The following NOL4L variants were observed in gnomAD, a reference collection of about 807,000 sequenced individuals.
The protein encoded by NOL4L is nucleolar protein 4-like.
A neutral mutation model predicts 64.5 loss-of-function variants in NOL4L; 7 were observed. That is an observed-to-expected ratio of 0.11 (90% CI 0.06 to 0.20). The LOEUF is 0.20. Ranked by LOEUF, NOL4L falls within the 10% of genes least tolerant of loss-of-function variation. NOL4L has a pLI of 1.00. For missense variants in NOL4L, 680 were observed against 967.1 expected, an observed-to-expected ratio of 0.70 and a Z score of 3.94; for synonymous variants, 413 against 401.0, an observed-to-expected ratio of 1.03 and a Z score of -0.36.
intron 2 of NOL4L, among the ~76,000 whole-genome samples, chr20:32,522,519 G>A (rs1403980526): frequency 6.6e-6 from 1 of 152,206 alleles, no homozygotes; most frequent in Non-Finnish European, 1.5e-5. Context: ...GATAAATGTG[G>A]CCACCACTCT....
At position 32,443,768 on chromosome 20, in the gene NOL4L, A is replaced by T. The variant is rs2012222901; in HGVS notation, c.*3828T>A. 6.9e-6 allele frequency: 1 copy of T among 145,824 alleles called. No homozygotes were observed. 9.0% of individuals were successfully genotyped at this position (145,824 alleles called of 1,614,324 possible). ...GAGTCATTCTGACCTTCCCACTCCCAGGCTGCCCAGGGAAGAACTACATTC... is the reference window on the plus strand; with the variant it reads ...GAGTCATTCTGACCTTCCCACTCCCTGGCTGCCCAGGGAAGAACTACATTC... On this transcript the variant is annotated 3_prime_UTR_variant, in exon 11 of 11. Transcript: ENST00000621426.
rs1283074474 is a variant in NOL4L, at chr20:32,494,269, A to C, written c.699+17078T>G. 8.7e-4 allele frequency among the ~76,000 whole-genome samples: 124 copies of C among 141,908 alleles called. 1 individual carries two copies. The highest frequency in any genetic ancestry group is 3.2e-3 in the African/African-American group (113 of 35,084). 93.1% of individuals were successfully genotyped at this position (141,908 alleles called of 152,430 possible). A position where few individuals can be genotyped will look rare whatever the true frequency, so the allele number is the denominator to read the frequency against. On this transcript the variant is annotated intron_variant, in intron 4 of 10. Transcript: ENST00000621426. The stretch of plus-strand genomic sequence containing the variant: ...TAATCTCGGGAAAAAAAAAAAAAAA[A>C]AAAAAAAAAAAAACACACAACACAC...
At chr20:32,579,512 C>T (rs995757100) in intron 1 of NOL4L, among the ~76,000 whole-genome samples, 2 of 151,904 alleles carry the variant, frequency 1.3e-5, no homozygotes, top group Non-Finnish European at 2.9e-5. Flanking sequence ...CTCCCAGCAG[C>T]ATTTCTGAGG....
chr20:32,477,019 G>C (rs951006001), intron 4 of NOL4L, among the ~76,000 whole-genome samples: 1 of 152,184 alleles, frequency 6.6e-6, no homozygotes, highest in Admixed American at 6.5e-5. Flanking sequence ...GGGCACACGG[G>C]GACAGAGGAG....
intron 3 of NOL4L, among the ~76,000 whole-genome samples, chr20:32,516,377 G>A (rs1006628490): frequency 3.9e-5 from 6 of 152,154 alleles, no homozygotes; most frequent in Non-Finnish European, 8.8e-5. Flanking sequence ...GGTGGGGAAC[G>A]TGAGGAAACT....
chr20:32,456,151 G>A lies in NOL4L; in HGVS notation c.1086C>T (p.Ser362=), dbSNP rs2013484553. Residue 362 remains serine, a synonymous_variant, in exon 6 of 11, where the codon AGC becomes AGT. Coordinates refer to ENST00000621426, the MANE Select transcript of NOL4L (RefSeq NM_001256798.2). ...TGGTCTTCACCCCGTATTTGACGCG[G>A]CTCCGCAGCCCGTCGGCACCGCAGC... ...SDGCGADGLR[S]RVKYGVKTTP... 1.3e-6 allele frequency: 2 copies of A among 1,563,926 alleles called. No individual in the cohort carries two copies. The highest frequency in any genetic ancestry group is 8.7e-7 in the Non-Finnish European group (1 of 1,153,260).
chr20:32,453,852 G>T lies in NOL4L; in HGVS notation c.1120-91C>A. 1.6e-6 allele frequency: 2 copies of T among 1,265,308 alleles called. No individual in the cohort carries two copies. The highest frequency in any genetic ancestry group is 1.5e-5 in the African/African-American group (1 of 67,242). The allele number at this position is 1,265,308 out of a possible 1,614,324, so 78.4% of individuals were successfully genotyped here. On this transcript the variant is annotated intron_variant, in intron 6 of 10. Coordinates refer to ENST00000621426, the MANE Select transcript of NOL4L (RefSeq NM_001256798.2). This position sits in a 1 kb window ranked among gnomAD's most constrained non-coding sequence, Gnocchi z 5.6. Reference sequence around the variant, plus strand: ...ACAGGCGGTGAGCTTGGGGACCAGGGTGGCACGCATGCCCTGCTGCCACGA... The same window carrying T: ...ACAGGCGGTGAGCTTGGGGACCAGGTTGGCACGCATGCCCTGCTGCCACGA...
At chr20:32,507,184 CA>C (rs1283629770) in intron 4 of NOL4L, among the ~76,000 whole-genome samples, 1 of 152,186 alleles carries the variant, frequency 6.6e-6, no homozygotes, top group African/African-American at 2.4e-5. Flanking sequence ...GTCCTCTGTG[CA>C]ACTAAATACA....
chr20:32,503,853 G>T lies in NOL4L; in HGVS notation c.699+7494C>A, dbSNP rs556224606. ...TTGCCCTACTTAATGCTTTTTTTTTGCCTTGAACATTTATTTAACATTAAT... is the reference window on the plus strand; with the variant it reads ...TTGCCCTACTTAATGCTTTTTTTTTTCCTTGAACATTTATTTAACATTAAT... On this transcript the variant is annotated intron_variant, in intron 4 of 10. Transcript: ENST00000621426. Among the ~76,000 whole-genome samples the T allele has an allele frequency of 2.3e-4, 34 of 150,604 alleles. No individual in the cohort carries two copies. In the South Asian group the frequency reaches 6.7e-3, roughly 30 times the overall value.
At chr20:32,509,812 G>A (rs1327112157) in intron 4 of NOL4L, 1 of 1,303,948 alleles carries the variant, frequency 7.7e-7, no homozygotes, top group Non-Finnish European at 1.0e-6. Context: ...GTGCCATTCT[G>A]TATGAAACAA....
intron 1 of NOL4L, among the ~76,000 whole-genome samples, chr20:32,552,771 G>A (rs1201918874): frequency 6.6e-6 from 1 of 152,212 alleles, no homozygotes; most frequent in African/African-American, 2.4e-5. Flanking sequence ...GGGAGGCCAA[G>A]ACGGGCAGAT....
chr20:32,579,871 C>T (rs1429572746), intron 1 of NOL4L, among the ~76,000 whole-genome samples: 3 of 152,076 alleles, frequency 2.0e-5, no homozygotes, highest in Non-Finnish European at 2.9e-5. Context: ...AAAAGCCCCC[C>T]CAGGACCCAG....
intron 1 of NOL4L, chr20:32,535,633 G>A (rs2018496034): frequency 2.0e-6 from 2 of 985,236 alleles, no homozygotes; most frequent in South Asian, 9.4e-5. Context: ...ACAGAGAAAG[G>A]TGCCTGGGAC....
intron 4 of NOL4L, among the ~76,000 whole-genome samples, chr20:32,479,929 A>G (rs2015616792): frequency 2.0e-5 from 3 of 152,096 alleles, no homozygotes; most frequent in Admixed American, 6.5e-5. Flanking sequence ...AAATTCATGG[A>G]CAGGTTCAGT....
At position 32,460,848 on chromosome 20, in the gene NOL4L, G is replaced by GA. The variant is rs1394089642; in HGVS notation, c.842-4454dup. Among the ~76,000 whole-genome samples, 1 of 152,192 alleles carries GA rather than the reference G, an allele frequency of 6.6e-6. No individual in the cohort carries two copies. The highest frequency in any genetic ancestry group is 1.5e-5 in the Non-Finnish European group (1 of 68,036). On this transcript the variant is annotated intron_variant, in intron 5 of 10. Coordinates refer to ENST00000621426, the MANE Select transcript of NOL4L (RefSeq NM_001256798.2). This position sits in a 1 kb window ranked among gnomAD's most constrained non-coding sequence, Gnocchi z 5.7. ...CAAATCAAACCTGAGGGCTCCAGAG[G>GA]AGACGGGGCTCTGAAGGGGTGTCAC...
intron 4 of NOL4L, among the ~76,000 whole-genome samples, chr20:32,507,801 A>T (rs563797205): frequency 6.6e-6 from 1 of 152,252 alleles, no homozygotes; most frequent in East Asian, 1.9e-4. Flanking sequence ...TGAGGTCAGG[A>T]GTTCGAGATC....
intron 1 of NOL4L, among the ~76,000 whole-genome samples, chr20:32,561,569 C>T (rs6119266): frequency 0.12 from 18,348 of 151,980 alleles, 1,446 homozygotes; most frequent in East Asian, 0.22. Flanking sequence ...GCTCTCATGC[C>T]GGTGGCCCTG....
rs369192081 is a variant in NOL4L at position 32,448,242 on chromosome 20, C to T, written c.1823-426G>A. The stretch of plus-strand genomic sequence containing the variant: ...GTGTGCTCTTCCCCAGCCCAGACAC[C>T]GAGGCTGGAAGGGGAGATGGTGTGC... On this transcript the variant is annotated intron_variant, in intron 10 of 10. Transcript: ENST00000621426. 3.0e-3 allele frequency among the ~76,000 whole-genome samples: 463 copies of T among 152,248 alleles called. 4 individuals are homozygous for T. Among genetic ancestry groups the T allele is most frequent in the Non-Finnish European group, 5.1e-3 (350 of 68,010 alleles).
chr20:32,475,960 A>T (rs2015367108), intron 4 of NOL4L, among the ~76,000 whole-genome samples: 2 of 152,112 alleles, frequency 1.3e-5, no homozygotes, highest in Admixed American at 1.3e-4. Context: ...GCTTCTGTGC[A>T]GTGTGGACCC....
Sources: allele counts gnomAD v4.1 joint callset (sites outside exome capture counted in the v4.1 genomes callset), GRCh38; gene constraint gnomAD v4.1.1; non-coding constraint Gnocchi (gnomAD v3.1); transcripts MANE v1.5; gene names NCBI Gene and HGNC (gene_info 2026-07-23, HGNC 2026-07-21).